PCDHGA4: variants seen among roughly 807,000 people sequenced by gnomAD.
The protein encoded by PCDHGA4 is protocadherin gamma-A4.
In PCDHGA4, 38 loss-of-function variants were observed where a neutral mutation model predicts 54.6. The observed-to-expected ratio is 0.70, with a 90% CI of 0.54 to 0.91. The LOEUF (loss-of-function observed/expected upper bound fraction) is 0.91. Ranked by LOEUF, PCDHGA4 falls within the 40% of genes least tolerant of loss-of-function variation. PCDHGA4 has a pLI of 0.00. For missense variants in PCDHGA4, 1,298 were observed against 1,220.9 expected (o/e 1.06, Z -0.94); for synonymous variants, 511 against 512.9 (o/e 1.00, Z 0.05).
intron 1 of PCDHGA4, chr5:141,400,290 C>G (rs1455484413): frequency 3.1e-6 from 5 of 1,613,972 alleles, no homozygotes; most frequent in Non-Finnish European, 3.4e-6. Context: ...CCGCCTGGAG[C>G]TGCTTCCAAC....
At chr5:141,450,919 G>A (rs1489017891) in intron 1 of PCDHGA4, among the ~76,000 whole-genome samples, 2 of 151,024 alleles carry the variant, frequency 1.3e-5, no homozygotes, top group African/African-American at 4.9e-5. Context: ...CTGCCTCCCA[G>A]ATTCAAGCAA....
chr5:141,371,882 G>A, intron 1 of PCDHGA4: 2 of 1,613,432 alleles, frequency 1.2e-6, no homozygotes, highest in South Asian at 1.1e-5. Context: ...CCAGTGACCT[G>A]GAGCCGCGGG....
chr5:141,462,161 T>G (rs1592764918), intron 1 of PCDHGA4, among the ~76,000 whole-genome samples: 1 of 152,148 alleles, frequency 6.6e-6, no homozygotes, highest in Non-Finnish European at 1.5e-5. Flanking sequence ...GGTTTCATCA[T>G]GTTGGCCAGG....
rs191953163 is a variant in PCDHGA4 at position 141,426,385 on chromosome 5, C to T, written c.2515-68422C>T. Reference sequence around the variant, plus strand: ...CTGCGGGGCACCCTCGGAGCAGATCCGCTACTCTATTCCAGAAGAAACGGT... The same window carrying T: ...CTGCGGGGCACCCTCGGAGCAGATCTGCTACTCTATTCCAGAAGAAACGGT... On this transcript the variant is annotated intron_variant, in intron 1 of 3. Transcript: ENST00000571252. 1.4e-3 allele frequency: 332 copies of T among 244,362 alleles called. 1 individual carries two copies. The highest frequency in any genetic ancestry group is 1.5e-3 in the Non-Finnish European group (188 of 121,940). 15.1% of individuals were successfully genotyped at this position (244,362 alleles called of 1,614,324 possible). A position where few individuals can be genotyped will look rare whatever the true frequency, so the allele number is the denominator to read the frequency against.
intron 1 of PCDHGA4, among the ~76,000 whole-genome samples, chr5:141,454,750 T>C (rs992030704): frequency 1.3e-5 from 2 of 150,108 alleles, no homozygotes; most frequent in Admixed American, 6.7e-5. Flanking sequence ...GAGGCCAAAC[T>C]AATCTTGACA....
At chr5:141,441,791 C>T in intron 1 of PCDHGA4, 1 of 390,714 alleles carries the variant, frequency 2.6e-6, no homozygotes, top group Non-Finnish European at 5.1e-6. Flanking sequence ...TGAATGACAA[C>T]GCACCGCGGG....
intron 1 of PCDHGA4, among the ~76,000 whole-genome samples, chr5:141,358,690 T>A (rs1760993799): frequency 6.6e-6 from 1 of 152,206 alleles, no homozygotes; most frequent in South Asian, 2.1e-4. Context: ...TATCATGACA[T>A]CACTATTGAG....
chr5:141,410,255 C>T (rs758117248), intron 1 of PCDHGA4: 26 of 1,614,030 alleles, frequency 1.6e-5, no homozygotes, highest in Non-Finnish European at 1.9e-5. Flanking sequence ...CTCTGACCCC[C>T]AGGCTGAACT....
At chr5:141,360,035 G>T in intron 1 of PCDHGA4, 13 of 1,406,270 alleles carry the variant, frequency 9.2e-6, no homozygotes, top group Non-Finnish European at 1.2e-5. Context: ...TATAGATTCG[G>T]AAACAGAAAA....
Position 141,485,261 on chromosome 5 carries a change from C to G in PCDHGA4, c.2515-9546C>G, listed in dbSNP as rs759268725. 1 of 1,614,076 alleles carries G rather than the reference C, an allele frequency of 6.2e-7. No homozygotes were observed. The highest frequency in any genetic ancestry group is 8.5e-7 in the Non-Finnish European group (1 of 1,179,904). On this transcript the variant is annotated intron_variant, in intron 1 of 3. Transcript: ENST00000571252. This position sits in a 1 kb window ranked among gnomAD's most constrained non-coding sequence, Gnocchi z 5.7. The stretch of plus-strand genomic sequence containing the variant: ...TTACCACCTGGGTTACGTTTGTGGG[C>G]AGATCCGCTACCCGGTCCCAGAGGA...
At position 141,374,633 on chromosome 5, in the gene PCDHGA4, A is replaced by C. The variant is rs1259564749; in HGVS notation, c.2514+17012A>C. 1.2e-6 allele frequency: 2 copies of C among 1,613,130 alleles called. No individual in the cohort carries two copies. Among genetic ancestry groups the C allele is most frequent in the Non-Finnish European group, 1.7e-6 (2 of 1,179,508 alleles). On this transcript the variant is annotated intron_variant, in intron 1 of 3. Transcript: ENST00000571252. Reference sequence around the variant, plus strand: ...TAGTCACTTCTCAGTGGACGTGCAAAGCGAAGCCCATGGGCCCAAGTACCC... The same window carrying C: ...TAGTCACTTCTCAGTGGACGTGCAACGCGAAGCCCATGGGCCCAAGTACCC...
At chr5:141,374,123 G>A (rs1770158708) in intron 1 of PCDHGA4, 2 of 1,602,040 alleles carry the variant, frequency 1.2e-6, no homozygotes, top group Non-Finnish European at 8.5e-7. Context: ...CAGCGAGCAG[G>A]TCCTGCTCCT....
At chr5:141,434,515 G>A (rs1032584764) in intron 1 of PCDHGA4, among the ~76,000 whole-genome samples, 1 of 152,296 alleles carries the variant, frequency 6.6e-6, no homozygotes, top group African/African-American at 2.4e-5. Context: ...CTGCTTAAAG[G>A]TGTTCTTAAA....
chr5:141,418,688 A>C, intron 1 of PCDHGA4: 2 of 1,614,032 alleles, frequency 1.2e-6, no homozygotes, highest in Non-Finnish European at 1.7e-6. Flanking sequence ...CAACTCAGAG[A>C]TCACTTATTC....
intron 1 of PCDHGA4, chr5:141,389,928 C>A: frequency 6.2e-7 from 1 of 1,614,068 alleles, no homozygotes. Flanking sequence ...CCCCTCTGAC[C>A]TCCAGGCTGA....
At chr5:141,361,981 C>T in intron 1 of PCDHGA4, 1 of 1,601,314 alleles carries the variant, frequency 6.2e-7, no homozygotes, top group Non-Finnish European at 8.5e-7. Context: ...CGAGCCCGGG[C>T]TCTTCAGCCT....
In PCDHGA4 at chr5:141,408,093, G is replaced by C. The variant is rs533105778; in HGVS notation, c.2514+50472G>C. On this transcript the variant is annotated intron_variant, in intron 1 of 3. Transcript: ENST00000571252. ...CCTTTCCCAGCACAGCGGATTGCCA[G>C]CTCCGAGACCCGGGACTCCTCCTGT... The C allele has an allele frequency of 7.0e-6, 10 of 1,429,954 alleles. No homozygotes were observed. In the Admixed American group the frequency reaches 1.4e-4, roughly 20 times the overall value. 88.6% of individuals were successfully genotyped at this position (1,429,954 alleles called of 1,614,324 possible).
chr5:141,436,743 C>A (rs991678215), intron 1 of PCDHGA4, among the ~76,000 whole-genome samples: 3 of 152,158 alleles, frequency 2.0e-5, no homozygotes, highest in Non-Finnish European at 4.4e-5. Flanking sequence ...TTTTTGTGTG[C>A]TTCTCCATAT....
chr5:141,360,965 T>C lies in PCDHGA4; in HGVS notation c.2514+3344T>C, dbSNP rs780001160. 1.4e-5 allele frequency: 23 copies of C among 1,613,904 alleles called. 1 individual carries two copies. The highest frequency in any genetic ancestry group is 1.3e-4 in the South Asian group (12 of 91,086). ...CGGGATGAAGGCATAAACGCAGAGA[T>C]CACCTACTCCTTTCATAATGTGGAC... On this transcript the variant is annotated intron_variant, in intron 1 of 3. Coordinates refer to ENST00000571252, the MANE Select transcript of PCDHGA4 (RefSeq NM_018917.4).
Sources: gnomAD v4.1 joint callset for allele counts (sites outside exome capture counted in the v4.1 genomes callset) on GRCh38, gnomAD v4.1.1 for gene constraint, Gnocchi (gnomAD v3.1) non-coding constraint, MANE v1.5 for transcripts, NCBI Gene and HGNC (gene_info 2026-07-23, HGNC 2026-07-21) for gene names.